GTF2IRD1: variants seen among roughly 807,000 people sequenced by gnomAD.
GTF2IRD1 encodes general transcription factor II-I repeat domain-containing protein 1.
Under a neutral mutation model 113.2 loss-of-function variants are expected in GTF2IRD1, and 26 were observed. The ratio of observed to expected loss-of-function variants is 0.23; its 90% CI spans 0.17 to 0.32. GTF2IRD1 has a LOEUF of 0.32. Ranked by LOEUF, GTF2IRD1 falls within the 10% of genes least tolerant of loss-of-function variation. The pLI is 1.00. For synonymous variants in GTF2IRD1, 484 were observed against 529.1 expected (o/e 0.91, Z 1.17); for missense variants, 864 against 1,280.8 (o/e 0.67, Z 4.97).
At chr7:74,527,268 C>A (rs1554347404) in intron 8 of GTF2IRD1, among the ~76,000 whole-genome samples, 2 of 152,150 alleles carry the variant, frequency 1.3e-5, no homozygotes, top group Non-Finnish European at 2.9e-5. Context: ...GCAAGAGGAT[C>A]ACTTGAGCCC....
At chr7:74,488,663 C>T (rs1795154117) in intron 1 of GTF2IRD1, among the ~76,000 whole-genome samples, 1 of 151,888 alleles carries the variant, frequency 6.6e-6, no homozygotes, top group African/African-American at 2.4e-5. Flanking sequence ...GAGGCTGAGG[C>T]TGGAGGATTG....
intron 13 of GTF2IRD1, 114 bp from the exon 14 acceptor site, chr7:74,539,765 C>A: frequency 9.3e-6 from 6 of 645,178 alleles, no homozygotes; most frequent in South Asian, 5.8e-5. Context: ...AAAAAAGAGA[C>A]AGAAAGAAAA....
At chr7:74,550,070 C>T (rs1456931285) in intron 17 of GTF2IRD1, among the ~76,000 whole-genome samples, 8 of 151,482 alleles carry the variant, frequency 5.3e-5, no homozygotes, top group Non-Finnish European at 1.2e-4. Context: ...TGGTGGCATG[C>T]ACCTGTAATC....
chr7:74,594,554 G>C (rs1240611452), intron 24 of GTF2IRD1, among the ~76,000 whole-genome samples: 1 of 152,158 alleles, frequency 6.6e-6, no homozygotes, highest in African/African-American at 2.4e-5. Context: ...GGGATGCTCT[G>C]TTGGGACGTT....
In GTF2IRD1 at chr7:74,555,996, T is replaced by C. The variant is rs2130755538; in HGVS notation, c.2023+502T>C. Among the ~76,000 whole-genome samples the C allele has an allele frequency of 6.6e-6, 1 of 152,154 alleles. No homozygotes were observed. The highest frequency in any genetic ancestry group is 2.4e-5 in the African/African-American group (1 of 41,542). ...CGAGTGCAGTGGCTCACGCCTGTAA[T>C]CCCAGCACTTTGGGCGGCCGAGGCA... On this transcript the variant is annotated intron_variant, in intron 19 of 26. Coordinates refer to ENST00000424337, the MANE Select transcript of GTF2IRD1 (RefSeq NM_005685.4). The surrounding 1 kb of genome is among the most constrained non-coding windows in gnomAD (Gnocchi z 5.3).
chr7:74,529,504 C>T (rs1797833258), intron 8 of GTF2IRD1, among the ~76,000 whole-genome samples: 1 of 152,172 alleles, frequency 6.6e-6, no homozygotes, highest in Non-Finnish European at 1.5e-5. Context: ...CATCTGTCCA[C>T]CTCAGCCTCC....
At chr7:74,570,998 C>G in intron 22 of GTF2IRD1, 1 of 634,964 alleles carries the variant, frequency 1.6e-6, no homozygotes, top group Non-Finnish European at 2.0e-6. Flanking sequence ...CACGAGGGCT[C>G]TCCCCGGACC....
At chr7:74,482,366 G>A (rs1456801604) in intron 1 of GTF2IRD1, among the ~76,000 whole-genome samples, 3 of 150,736 alleles carry the variant, frequency 2.0e-5, no homozygotes, top group South Asian at 2.1e-4. Flanking sequence ...TAGCTGGGAC[G>A]ACAGGCATGT....
chr7:74,506,148 C>T (rs139335846), intron 1 of GTF2IRD1: 16 of 152,312 alleles, frequency 1.1e-4, no homozygotes, highest in African/African-American at 3.8e-4. Flanking sequence ...TGTTTCTGTC[C>T]CTGTGGTTGG....
chr7:74,558,530 G>C (rs1201253048), intron 20 of GTF2IRD1, among the ~76,000 whole-genome samples: 1 of 151,428 alleles, frequency 6.6e-6, no homozygotes, highest in African/African-American at 2.4e-5. Flanking sequence ...TGCCCAACTA[G>C]TTTTTAGAAA....
chr7:74,590,319 G>A (rs1320237437), intron 23 of GTF2IRD1, among the ~76,000 whole-genome samples: 3 of 151,834 alleles, frequency 2.0e-5, no homozygotes, highest in East Asian at 1.9e-4. Context: ...GGGTTCAAGC[G>A]ATCCTCCTGC....
chr7:74,517,645 C>T (rs1427885508), intron 4 of GTF2IRD1, among the ~76,000 whole-genome samples: 3 of 152,126 alleles, frequency 2.0e-5, no homozygotes, highest in Admixed American at 6.5e-5. Context: ...GTCTCGAACT[C>T]CTGGCCTCAA....
chr7:74,488,878 C>G (rs1330534325), intron 1 of GTF2IRD1, among the ~76,000 whole-genome samples: 2 of 151,992 alleles, frequency 1.3e-5, no homozygotes, highest in African/African-American at 2.4e-5. Context: ...CGCGGTGGTT[C>G]ATTCCTGTAA....
intron 17 of GTF2IRD1, among the ~76,000 whole-genome samples, chr7:74,551,478 C>T (rs782442187): frequency 1.6e-4 from 25 of 152,192 alleles, no homozygotes; most frequent in Non-Finnish European, 3.1e-4. Flanking sequence ...CCTGGAGTTG[C>T]CGATGTCACC....
At chr7:74,456,151 A>G (rs1792959490) in intron 1 of GTF2IRD1, among the ~76,000 whole-genome samples, 1 of 152,096 alleles carries the variant, frequency 6.6e-6, no homozygotes, top group African/African-American at 2.4e-5. Flanking sequence ...TCTGAGTGGC[A>G]GCTGTAATCT....
At chr7:74,551,792 C>A (rs782376438) in intron 17 of GTF2IRD1, among the ~76,000 whole-genome samples, 1 of 151,918 alleles carries the variant, frequency 6.6e-6, no homozygotes. Flanking sequence ...AAAAATTAGC[C>A]GGGTGTGGTG....
chr7:74,489,598 C>G (rs2117206886), intron 1 of GTF2IRD1, among the ~76,000 whole-genome samples: 1 of 152,322 alleles, frequency 6.6e-6, no homozygotes, highest in East Asian at 1.9e-4. Flanking sequence ...CCACCTTGGC[C>G]TCCCAAAGTG....
At chr7:74,536,553 A>G (rs1798308527) in intron 11 of GTF2IRD1, among the ~76,000 whole-genome samples, 1 of 152,154 alleles carries the variant, frequency 6.6e-6, no homozygotes, top group Admixed American at 6.5e-5. Context: ...CACACCTGTA[A>G]TCCCAGCACT....
intron 1 of GTF2IRD1, among the ~76,000 whole-genome samples, chr7:74,455,731 C>G (rs1317292813): frequency 6.6e-6 from 1 of 152,164 alleles, no homozygotes; most frequent in East Asian, 1.9e-4. Context: ...TATCGGAACC[C>G]CCATCCTGCC....
Sources: gnomAD v4.1 joint callset for allele counts (sites outside exome capture counted in the v4.1 genomes callset) on GRCh38, gnomAD v4.1.1 for gene constraint, Gnocchi (gnomAD v3.1) non-coding constraint, MANE v1.5 for transcripts, NCBI Gene and HGNC (gene_info 2026-07-23, HGNC 2026-07-21) for gene names.